GPHN: variants seen among roughly 807,000 people sequenced by gnomAD.
The protein encoded by GPHN is gephyrin.
A neutral mutation model predicts 95.5 loss-of-function variants in GPHN; 17 were observed. The ratio of observed to expected loss-of-function variants is 0.18; its 90% confidence interval spans 0.12 to 0.27. The LOEUF is 0.27. GPHN is among the 10% of genes least tolerant of loss of function. The pLI is 1.00. For missense variants in GPHN, 660 were observed against 978.1 expected (o/e 0.67, Z 4.34); for synonymous variants, 320 against 322.5 (o/e 0.99, Z 0.08).
At chr14:67,407,968 A>C in the GPHN span, among the ~76,000 whole-genome samples, 1 of 151,938 alleles carries the variant, frequency 6.6e-6, no homozygotes, top group African/African-American at 2.4e-5. Context: ...TGGGTAACAT[A>C]CTGAGACATT....
chr14:67,620,884 T>C, the GPHN span: 3 of 1,614,088 alleles, frequency 1.9e-6, no homozygotes, highest in Admixed American at 5.0e-5. Context: ...GTAATTTGTG[T>C]GACTGACAGA....
intron 16 of GPHN, among the ~76,000 whole-genome samples, chr14:67,118,330 A>T (rs1017462442): frequency 6.6e-6 from 1 of 152,166 alleles, no homozygotes; most frequent in African/African-American, 2.4e-5. Flanking sequence ...AATTTGTGGG[A>T]AGGCAAATAT....
At chr14:67,469,957 C>T in the GPHN span, among the ~76,000 whole-genome samples, 1 of 152,192 alleles carries the variant, frequency 6.6e-6, no homozygotes. Flanking sequence ...CTGCAGCCAA[C>T]CTGCAGTCAA....
intron 6 of GPHN, among the ~76,000 whole-genome samples, 195 bp downstream of exon 6, chr14:66,916,264 A>G (rs1006950492): frequency 5.4e-4 from 82 of 152,124 alleles, no homozygotes; most frequent in African/African-American, 1.9e-3. Flanking sequence ...TTACACTTAC[A>G]GTTATGGTTT....
chr14:66,996,443 A>G (rs2153607339), intron 9 of GPHN, among the ~76,000 whole-genome samples: 1 of 152,274 alleles, frequency 6.6e-6, no homozygotes, highest in Admixed American at 6.5e-5. Flanking sequence ...GGCAGTCACT[A>G]CATCACATTG....
chr14:66,753,099 G>A (rs7148623), intron 2 of GPHN, among the ~76,000 whole-genome samples: 47,242 of 151,860 alleles, frequency 0.31, 11,162 homozygotes, highest in African/African-American at 0.64. Flanking sequence ...AACCATGTCC[G>A]TCAAAGCCCT....
At chr14:66,538,732 T>A (rs1442807187) in intron 1 of GPHN, among the ~76,000 whole-genome samples, 1 of 151,688 alleles carries the variant, frequency 6.6e-6, no homozygotes, top group Non-Finnish European at 1.5e-5. Context: ...CCACTATCAG[T>A]GTCATCTCTA....
intron 3 of GPHN, among the ~76,000 whole-genome samples, chr14:66,787,566 C>A (rs1323097609): frequency 6.6e-6 from 1 of 151,952 alleles, no homozygotes; most frequent in Admixed American, 6.5e-5. Context: ...ATAACTCTAC[C>A]CAATGAAAGT....
chr14:67,567,306 T>C, the GPHN span, among the ~76,000 whole-genome samples: 4 of 152,178 alleles, frequency 2.6e-5, no homozygotes, highest in Non-Finnish European at 5.9e-5. Flanking sequence ...TACTTATGTA[T>C]CTTAGAGTTT....
chr14:66,533,055 T>G, intron 1 of GPHN, among the ~76,000 whole-genome samples: 1 of 152,194 alleles, frequency 6.6e-6, no homozygotes, highest in East Asian at 1.9e-4. Context: ...GAATAGTCAG[T>G]CCACTTGCCT....
At chr14:67,543,485 A>C in the GPHN span, among the ~76,000 whole-genome samples, 1 of 152,266 alleles carries the variant, frequency 6.6e-6, no homozygotes, top group African/African-American at 2.4e-5. Flanking sequence ...AAGTGTGGTC[A>C]GAACCGTTTG....
chr14:67,568,334 TAACGTAGG>T, the GPHN span, among the ~76,000 whole-genome samples: 1 of 150,266 alleles, frequency 6.7e-6, no homozygotes, highest in Non-Finnish European at 1.5e-5. Flanking sequence ...TTCAGCAAAC[TAACGTAGG>T]AACAAGAAAA....
At chr14:67,368,649 T>C in the GPHN span, among the ~76,000 whole-genome samples, 2 of 146,144 alleles carry the variant, frequency 1.4e-5, no homozygotes, top group South Asian at 2.2e-4. Flanking sequence ...AATAGATCTA[T>C]ATGATTCTTA....
intron 9 of GPHN, among the ~76,000 whole-genome samples, chr14:66,983,844 A>G (rs2070844125): frequency 6.6e-6 from 1 of 152,188 alleles, no homozygotes; most frequent in African/African-American, 2.4e-5. Context: ...AGAGAGACAG[A>G]CAGACATAGT....
At chr14:66,685,210 A>G (rs1023263730) in intron 2 of GPHN, among the ~76,000 whole-genome samples, 2 of 152,150 alleles carry the variant, frequency 1.3e-5, no homozygotes, top group African/African-American at 2.4e-5. Flanking sequence ...CAATAAACAT[A>G]TGTGTGCCAT....
chr14:67,721,635 G>A, the GPHN span, among the ~76,000 whole-genome samples: 4 of 151,892 alleles, frequency 2.6e-5, no homozygotes, highest in African/African-American at 4.8e-5. Context: ...AGGGAGATAC[G>A]AATCAGAACA....
chr14:66,899,739 A>G (rs1320251415), intron 5 of GPHN, among the ~76,000 whole-genome samples: 1 of 151,828 alleles, frequency 6.6e-6, no homozygotes, highest in Middle Eastern at 3.4e-3. Flanking sequence ...TTTTTATACT[A>G]TCTTCATCTG....
At chr14:66,748,222 T>C (rs2058231081) in intron 2 of GPHN, among the ~76,000 whole-genome samples, 1 of 152,118 alleles carries the variant, frequency 6.6e-6, no homozygotes, top group Non-Finnish European at 1.5e-5. Context: ...AAAATACTTT[T>C]ACTATAGTAC....
At chr14:66,551,965 T>C (rs10133769) in intron 1 of GPHN, among the ~76,000 whole-genome samples, 38,397 of 152,054 alleles carry the variant, frequency 0.25, 9,774 homozygotes, top group African/African-American at 0.62. Context: ...CAAAACCGTA[T>C]CAGCACCCCT....
Sources: gnomAD v4.1 joint callset for allele counts (sites outside exome capture counted in the v4.1 genomes callset) on GRCh38, gnomAD v4.1.1 for gene constraint, MANE v1.5 for transcripts, NCBI Gene and HGNC (gene_info 2026-07-23, HGNC 2026-07-21) for gene names.